UTY: variants seen among roughly 807,000 people sequenced by gnomAD.
The protein encoded by UTY is ubiquitously transcribed tetratricopeptide repeat containing, Y-linked, also known as histone demethylase UTY.
A neutral mutation model predicts 32.5 loss-of-function variants in UTY; 12 were observed. The ratio of observed to expected loss-of-function variants is 0.37; its 90% CI spans 0.24 to 0.60. UTY has a LOEUF of 0.60. Among genes scored for constraint, UTY ranks in the 20% least tolerant of loss-of-function variants. The pLI is 0.69. For missense variants in UTY, 303 were observed against 299.2 expected (o/e 1.01, Z -0.09); for synonymous variants, 131 against 103.4 (o/e 1.27, Z -1.62).
intron 17 of UTY, among the ~76,000 whole-genome samples, chrY:13,344,326 A>G: frequency 2.9e-5 from 1 of 34,241 alleles, no homozygotes; most frequent in African/African-American, 1.1e-4. Context: ...GTTGGATGGC[A>G]TTTCTATGTT....
At chrY:13,464,927 A>C in intron 3 of UTY, among the ~76,000 whole-genome samples, 1 of 31,413 alleles carries the variant, frequency 3.2e-5, no homozygotes, top group Non-Finnish European at 7.7e-5. Flanking sequence ...AAATACAAAA[A>C]AATTGCCAGG....
chrY:13,349,055 G>C, intron 17 of UTY, among the ~76,000 whole-genome samples: 1 of 33,141 alleles, frequency 3.0e-5, no homozygotes, highest in South Asian at 6.7e-4. Context: ...AAGCCTTAGG[G>C]AATCTCCATA....
chrY:13,450,755 C>T, intron 3 of UTY, among the ~76,000 whole-genome samples: 1 of 28,060 alleles, frequency 3.6e-5, no homozygotes, highest in Non-Finnish European at 8.3e-5. Context: ...ACCTGGGAGG[C>T]GGACACTGCA....
intron 5 of UTY, among the ~76,000 whole-genome samples, chrY:13,413,324 T>C (rs2071186381): frequency 3.0e-5 from 1 of 33,845 alleles, no homozygotes; most frequent in African/African-American, 1.2e-4. Flanking sequence ...ACTGCAACAC[T>C]GTAGCCCTCC....
intron 18 of UTY, among the ~76,000 whole-genome samples, chrY:13,329,462 A>G (rs530016686): frequency 7.7e-3 from 259 of 33,784 alleles, no homozygotes; most frequent in African/African-American, 0.029. Flanking sequence ...ACTTTCACTT[A>G]CATTTTATAC....
At chrY:13,282,863 G>C (rs2057109197) in intron 27 of UTY, among the ~76,000 whole-genome samples, 2 of 34,403 alleles carry the variant, frequency 5.8e-5, no homozygotes, top group Admixed American at 5.1e-4. Flanking sequence ...ATCCCTGCAG[G>C]GGACTCCGGC....
downstream of UTY, among the ~76,000 whole-genome samples, chrY:13,246,421 AAT>A (rs2053947886): frequency 1.5e-4 from 5 of 33,542 alleles, no homozygotes; most frequent in Non-Finnish European, 3.7e-4. Flanking sequence ...CTTAAATAAA[AAT>A]ATGTCATAGT....
intron 27 of UTY, among the ~76,000 whole-genome samples, chrY:13,274,786 A>T (rs2056565370): frequency 3.2e-5 from 1 of 30,831 alleles, no homozygotes; most frequent in Non-Finnish European, 7.8e-5. Flanking sequence ...CTGTCTCAAA[A>T]AAATAAATAA....
At chrY:13,384,834 C>T in intron 8 of UTY, among the ~76,000 whole-genome samples, 1 of 33,323 alleles carries the variant, frequency 3.0e-5, no homozygotes, top group Non-Finnish European at 7.4e-5. Context: ...AAGAGTAATA[C>T]GAAGAAAGAC....
intron 17 of UTY, among the ~76,000 whole-genome samples, chrY:13,340,772 C>A (rs2061431724): frequency 3.0e-5 from 1 of 33,626 alleles, no homozygotes; most frequent in Non-Finnish European, 7.4e-5. Flanking sequence ...TCCTAACTTA[C>A]AATCCTACCT....
At chrY:13,273,980 C>CAA (rs751154323) in intron 27 of UTY, among the ~76,000 whole-genome samples, 2 of 20,612 alleles carry the variant, frequency 9.7e-5, no homozygotes, top group African/African-American at 2.0e-4. Context: ...TCCACTACTT[C>CAA]AAAAAAAAAA....
chrY:13,471,959 T>A, intron 2 of UTY, among the ~76,000 whole-genome samples: 1 of 33,361 alleles, frequency 3.0e-5, no homozygotes, highest in African/African-American at 1.2e-4. Context: ...CTATGCAAAT[T>A]TTCTTAAAAT....
chrY:13,353,341 A>T, intron 17 of UTY, among the ~76,000 whole-genome samples: 1 of 33,979 alleles, frequency 2.9e-5, no homozygotes, highest in Non-Finnish European at 7.3e-5. Context: ...AACTGTTGAC[A>T]TCATGGTTTA....
At chrY:13,396,559 A>C in intron 7 of UTY, 1 of 35,204 alleles carries the variant, frequency 2.8e-5, no homozygotes, top group Non-Finnish European at 6.9e-5. Flanking sequence ...AAAAAGTTTC[A>C]AAAAATAGTC....
intron 6 of UTY, 54 bp from the exon 7 acceptor site, chrY:13,397,026 A>G: frequency 4.8e-6 from 1 of 206,474 alleles, no homozygotes; most frequent in Non-Finnish European, 7.5e-6. Context: ...GCATAAAAGT[A>G]CATTTTCTAT....
At chrY:13,424,990 C>T (rs112771572) in intron 4 of UTY, among the ~76,000 whole-genome samples, 3,698 of 33,213 alleles carry the variant, frequency 0.11, no homozygotes, top group Non-Finnish European at 0.19. Flanking sequence ...ACATATCCCA[C>T]GAAGTACTAG....
Position 13,262,323 on chromosome Y carries a change from TAA to T in UTY, c.4011-1921_4011-1920del, listed in dbSNP as rs2055334433. On this transcript the variant is annotated intron_variant, in intron 27 of 29. Transcript: ENST00000545955. ...GTGGGAAATGTGGGAGTCAAAAAGG[TAA>T]AGTTTGCATGATGTTACAAGGCTAT... Among the ~76,000 whole-genome samples, 6 of 32,326 alleles carry T rather than the reference TAA, an allele frequency of 1.9e-4. No homozygotes were observed. In the East Asian group the frequency reaches 4.8e-3, roughly 26 times the overall value. 86.7% of individuals were successfully genotyped at this position (32,326 alleles called of 37,273 possible).
rs917566573 is a variant in UTY, at chrY:13,346,977, G to A, written c.2061+8026C>T. Among the ~76,000 whole-genome samples, 5 of 33,473 alleles carry A rather than the reference G, an allele frequency of 1.5e-4. No homozygotes were observed. In the East Asian group the frequency reaches 3.9e-3, roughly 26 times the overall value. The allele number at this position is 33,473 out of a possible 37,273, so 89.8% of individuals were successfully genotyped here. ...CCAAGATAAGTATGTACCCACTCAA[G>A]AAGAAATAGCTAATTGTGGTGCACT... On this transcript the variant is annotated intron_variant, in intron 17 of 29. Transcript: ENST00000545955.
intron 17 of UTY, among the ~76,000 whole-genome samples, chrY:13,344,343 C>G: frequency 2.9e-5 from 1 of 34,366 alleles, no homozygotes; most frequent in Non-Finnish European, 7.3e-5. Context: ...TGTTCTGCGC[C>G]TAACTGCCAT....
Sources: gnomAD v4.1 joint callset for allele counts (sites outside exome capture counted in the v4.1 genomes callset) on GRCh38, gnomAD v4.1.1 for gene constraint, MANE v1.5 for transcripts, NCBI Gene and HGNC (gene_info 2026-07-23, HGNC 2026-07-21) for gene names.